The following C1QTNF3 variants were observed in gnomAD, a reference collection of about 807,000 sequenced individuals.
The protein encoded by C1QTNF3 is complement C1q tumor necrosis factor-related protein 3.
Under a neutral mutation model 32.6 loss-of-function variants are expected in C1QTNF3, and 26 were observed. That is an observed-to-expected ratio of 0.80 (90% confidence interval 0.58 to 1.11). The LOEUF is 1.11. Among genes scored for constraint, C1QTNF3 ranks in the 50% least tolerant of loss-of-function variants. The pLI is 0.00. For missense variants in C1QTNF3, 362 were observed against 398.2 expected, an observed-to-expected ratio of 0.91 and a Z score of 0.77; for synonymous variants, 155 against 146.0, an observed-to-expected ratio of 1.06 and a Z score of -0.44.
At chr5:34,169,856 A>T in the C1QTNF3 span, among the ~76,000 whole-genome samples, 97,240 of 151,952 alleles carry the variant, frequency 0.64, 31,390 homozygotes, top group African/African-American at 0.66. Flanking sequence ...ACAGCAACTA[A>T]GAAAACAGTA....
the C1QTNF3 span, among the ~76,000 whole-genome samples, chr5:34,119,145 G>A: frequency 1.1e-3 from 164 of 152,120 alleles, no homozygotes; most frequent in Middle Eastern, 0.01. Flanking sequence ...AAATGCCATC[G>A]AAATGGTATA....
the C1QTNF3 span, among the ~76,000 whole-genome samples, chr5:34,084,817 T>TAA: frequency 2.7e-5 from 3 of 112,688 alleles, no homozygotes; most frequent in Non-Finnish European, 5.1e-5. Context: ...TTGTTTTTTT[T>TAA]CTGTGCAGAA....
At chr5:34,207,574 A>G in the C1QTNF3 span, among the ~76,000 whole-genome samples, 1 of 152,024 alleles carries the variant, frequency 6.6e-6, no homozygotes, top group South Asian at 2.1e-4. Flanking sequence ...ATACTCAGCA[A>G]TTGTTTTGTG....
chr5:34,022,727 C>T (rs1754366086), intron 5 of C1QTNF3, among the ~76,000 whole-genome samples: 1 of 152,216 alleles, frequency 6.6e-6, no homozygotes, highest in African/African-American at 2.4e-5. Context: ...GTTCTCTGAA[C>T]AGAATTCCTG....
the C1QTNF3 span, among the ~76,000 whole-genome samples, chr5:34,159,844 A>C: frequency 6.6e-6 from 1 of 151,806 alleles, no homozygotes; most frequent in Non-Finnish European, 1.5e-5. Flanking sequence ...AAAAAAAAAA[A>C]CCGGAAGTAT....
At chr5:34,074,791 T>G in the C1QTNF3 span, among the ~76,000 whole-genome samples, 1 of 151,428 alleles carries the variant, frequency 6.6e-6, no homozygotes, top group South Asian at 2.1e-4. Flanking sequence ...GAGCCAGGAA[T>G]CACTTTTCTA....
chr5:34,093,864 C>T, the C1QTNF3 span, among the ~76,000 whole-genome samples: 22 of 152,314 alleles, frequency 1.4e-4, no homozygotes, highest in African/African-American at 4.6e-4. Flanking sequence ...ACTCTCCGAC[C>T]TTCGGGTAGG....
At chr5:34,214,235 T>C in the C1QTNF3 span, among the ~76,000 whole-genome samples, 1 of 152,084 alleles carries the variant, frequency 6.6e-6, no homozygotes, top group East Asian at 1.9e-4. Flanking sequence ...TATGAATGAT[T>C]GAAAGCCAGG....
the C1QTNF3 span, among the ~76,000 whole-genome samples, chr5:34,128,615 T>C: frequency 4.6e-5 from 7 of 152,148 alleles, no homozygotes; most frequent in Non-Finnish European, 8.8e-5. Flanking sequence ...ATGTGAGACA[T>C]GGAGTCAAAG....
In C1QTNF3 at chr5:34,029,134, A is replaced by G. The variant is rs534538523; in HGVS notation, c.571-251T>C. 70 of 262,234 alleles carry G rather than the reference A, an allele frequency of 2.7e-4. 1 individual carries two copies. In the South Asian group the frequency reaches 9.6e-3, roughly 36 times the overall value. The allele number at this position is 262,234 out of a possible 1,614,324, so 16.2% of individuals were successfully genotyped here. ...ATTTGTCTTTCAAATGATTTTTGAA[A>G]TACTAAAATTCTGTTATCAAATAAT... On this transcript the variant is annotated intron_variant, in intron 3 of 5. Transcript: ENST00000382065.
the C1QTNF3 span, among the ~76,000 whole-genome samples, chr5:34,101,689 C>T: frequency 3.3e-5 from 5 of 152,176 alleles, no homozygotes; most frequent in Admixed American, 6.6e-5. Flanking sequence ...AACCTCTCCT[C>T]TCTCCAGAAG....
chr5:34,077,854 C>T, the C1QTNF3 span, among the ~76,000 whole-genome samples: 6 of 151,296 alleles, frequency 4.0e-5, no homozygotes, highest in Middle Eastern at 3.4e-3. Context: ...GCCAGCAGGA[C>T]GTGACGTTAA....
rs551345828 is a variant in C1QTNF3 at position 34,041,154 on chromosome 5, G to C, written c.303+1669C>G. Among the ~76,000 whole-genome samples, 9 of 152,282 alleles carry C rather than the reference G, an allele frequency of 5.9e-5. No individual in the cohort carries two copies. In the East Asian group the frequency reaches 1.5e-3, roughly 26 times the overall value. ...TTACGATCAAAGAAGAGGGACAGGG[G>C]AAGTAGGGAAAGAAGGAAGAACATA... On this transcript the variant is annotated intron_variant, in intron 1 of 5. Coordinates refer to ENST00000382065, the MANE Select transcript of C1QTNF3 (RefSeq NM_181435.6).
At chr5:34,153,852 A>G in the C1QTNF3 span, among the ~76,000 whole-genome samples, 1 of 80,268 alleles carries the variant, frequency 1.2e-5, no homozygotes, top group Non-Finnish European at 2.9e-5. Flanking sequence ...AACTTAGAGT[A>G]TAAAAAAAAA....
chr5:34,054,711 A>G, the C1QTNF3 span, among the ~76,000 whole-genome samples: 2 of 152,004 alleles, frequency 1.3e-5, no homozygotes, highest in Non-Finnish European at 2.9e-5. Context: ...TAGAATTTTT[A>G]AAAGGGCAAT....
At chr5:34,175,998 T>G in the C1QTNF3 span, 1 of 733,176 alleles carries the variant, frequency 1.4e-6, no homozygotes, top group South Asian at 1.5e-5. Context: ...ACTGGCAGAA[T>G]TGTAAATGTT....
chr5:34,057,774 A>C, the C1QTNF3 span, among the ~76,000 whole-genome samples: 1 of 152,230 alleles, frequency 6.6e-6, no homozygotes, highest in African/African-American at 2.4e-5. Context: ...AAGTTGGACA[A>C]CTTTATTAAG....
the C1QTNF3 span, chr5:34,158,503 G>C: frequency 6.6e-6 from 1 of 152,134 alleles, no homozygotes; most frequent in Non-Finnish European, 1.5e-5. Flanking sequence ...TATGGAATTA[G>C]TGTCTATATT....
chr5:34,200,644 A>G, the C1QTNF3 span: 1 of 152,174 alleles, frequency 6.6e-6, no homozygotes, highest in Non-Finnish European at 1.5e-5. Flanking sequence ...TCAGAACAGT[A>G]TCAGTGCATT....
Sources: gnomAD v4.1 joint callset for allele counts (sites outside exome capture counted in the v4.1 genomes callset) on GRCh38, gnomAD v4.1.1 for gene constraint, MANE v1.5 for transcripts, NCBI Gene and HGNC (gene_info 2026-07-23, HGNC 2026-07-21) for gene names.